Variants in HPSE2 observed in about 807,000 individuals in gnomAD.
HPSE2 encodes heparanase 2 (inactive).
In HPSE2, 38 loss-of-function variants were observed where a neutral mutation model predicts 60.5. The observed-to-expected ratio is 0.63, with a 90% confidence interval of 0.48 to 0.82. HPSE2 has a LOEUF of 0.82. HPSE2 is among the 40% of genes least tolerant of loss of function. The pLI, the probability that HPSE2 is intolerant of heterozygous loss-of-function variation, is 0.00. For synonymous variants in HPSE2, 295 were observed against 293.2 expected (o/e 1.01, Z -0.06); for missense variants, 713 against 740.4 (o/e 0.96, Z 0.43).
intron 9 of HPSE2, among the ~76,000 whole-genome samples, chr10:98,541,856 C>G (rs11597154): frequency 0.27 from 41,542 of 151,554 alleles, 5,892 homozygotes; most frequent in East Asian, 0.48. Flanking sequence ...TCAAGGAGGC[C>G]TGCCTGCCTC....
chr10:98,555,404 G>A (rs138872067), intron 9 of HPSE2, among the ~76,000 whole-genome samples: 416 of 152,240 alleles, frequency 2.7e-3, no homozygotes, highest in East Asian at 6.4e-3. Flanking sequence ...CTGCCTGCCC[G>A]GATCTCCCCT....
At chr10:99,128,137 C>T (rs995784996) in intron 3 of HPSE2, among the ~76,000 whole-genome samples, 4 of 152,048 alleles carry the variant, frequency 2.6e-5, no homozygotes, top group African/African-American at 9.7e-5. Context: ...AGAACAATAC[C>T]TCATATCTCA....
intron 9 of HPSE2, among the ~76,000 whole-genome samples, chr10:98,537,069 AAGAG>A (rs2133813962): frequency 6.6e-6 from 1 of 152,334 alleles, no homozygotes; most frequent in African/African-American, 2.4e-5. Context: ...AATGGATTGA[AAGAG>A]AGGCCAAAAT....
intron 3 of HPSE2, among the ~76,000 whole-genome samples, chr10:98,887,940 A>AAAATT (rs1564633934): frequency 6.2e-5 from 9 of 145,962 alleles, no homozygotes; most frequent in Non-Finnish European, 9.1e-5. Context: ...ATAATAAAAT[A>AAAATT]AAAAATTAAA....
chr10:99,154,627 G>A (rs1357808434), intron 2 of HPSE2, among the ~76,000 whole-genome samples: 8 of 151,672 alleles, frequency 5.3e-5, no homozygotes, highest in South Asian at 2.1e-4. Flanking sequence ...AGGAACAACC[G>A]GTACCAGCCG....
At chr10:98,703,049 A>G (rs937226389) in intron 5 of HPSE2, among the ~76,000 whole-genome samples, 1 of 152,030 alleles carries the variant, frequency 6.6e-6, no homozygotes, top group African/African-American at 2.4e-5. Flanking sequence ...CTAGACTAAT[A>G]AAGAAGAAAA....
intron 2 of HPSE2, among the ~76,000 whole-genome samples, chr10:99,206,983 C>T (rs1217583787): frequency 6.6e-6 from 1 of 151,920 alleles, no homozygotes; most frequent in Non-Finnish European, 1.5e-5. Flanking sequence ...GGAAAGAAAG[C>T]TTATTTTAAA....
At chr10:99,190,149 A>T (rs1848169460) in intron 2 of HPSE2, among the ~76,000 whole-genome samples, 1 of 152,196 alleles carries the variant, frequency 6.6e-6, no homozygotes, top group Admixed American at 6.5e-5. Flanking sequence ...CCTACTATGC[A>T]TTGGGCATTG....
chr10:98,699,180 C>G (rs537977982), intron 5 of HPSE2, among the ~76,000 whole-genome samples: 4 of 151,848 alleles, frequency 2.6e-5, no homozygotes, highest in Non-Finnish European at 5.9e-5. Flanking sequence ...CTGGCAGAGA[C>G]ACAACAAAAA....
intron 3 of HPSE2, among the ~76,000 whole-genome samples, chr10:99,082,577 C>G (rs1382490090): frequency 6.6e-6 from 1 of 152,098 alleles, no homozygotes; most frequent in Non-Finnish European, 1.5e-5. Flanking sequence ...CATTGTTAGA[C>G]CATATAAATG....
intron 3 of HPSE2, among the ~76,000 whole-genome samples, chr10:98,894,805 G>C (rs1304588955): frequency 6.6e-6 from 1 of 151,566 alleles, no homozygotes; most frequent in East Asian, 1.9e-4. Context: ...GAAAGATAAA[G>C]AAAAAGACAT....
intron 3 of HPSE2, among the ~76,000 whole-genome samples, chr10:98,872,261 C>G (rs888216347): frequency 3.9e-5 from 6 of 152,054 alleles, no homozygotes; most frequent in African/African-American, 1.2e-4. Flanking sequence ...ACATCCTGCT[C>G]TACTCTGTCT....
chr10:99,313,476 T>C, the HPSE2 span, among the ~76,000 whole-genome samples: 1 of 151,840 alleles, frequency 6.6e-6, no homozygotes, highest in Admixed American at 6.6e-5. Context: ...TTTCTTGAGA[T>C]GAAATCTACT....
chr10:98,628,033 C>T (rs547862286), intron 7 of HPSE2, among the ~76,000 whole-genome samples: 2 of 152,276 alleles, frequency 1.3e-5, no homozygotes, highest in East Asian at 3.9e-4. Context: ...CAGTGAGGAA[C>T]AACTTTGATA....
At chr10:99,054,126 C>T (rs928307304) in intron 3 of HPSE2, among the ~76,000 whole-genome samples, 3 of 151,936 alleles carry the variant, frequency 2.0e-5, no homozygotes, top group Admixed American at 6.6e-5. Context: ...CTGTAATCTA[C>T]GAGACAAGAC....
At chr10:98,588,959 G>T (rs556306263) in intron 9 of HPSE2, among the ~76,000 whole-genome samples, 99 of 152,264 alleles carry the variant, frequency 6.5e-4, no homozygotes, top group African/African-American at 2.2e-3. Context: ...CTGGAAAGTT[G>T]ATTTTTGTTG....
intron 2 of HPSE2, among the ~76,000 whole-genome samples, chr10:99,217,346 CT>C (rs1238501805): frequency 6.6e-6 from 1 of 151,718 alleles, no homozygotes; most frequent in Non-Finnish European, 1.5e-5. Context: ...CACATTAAAA[CT>C]TTAGGCATTT....
intron 3 of HPSE2, among the ~76,000 whole-genome samples, chr10:99,074,447 T>G (rs1013539732): frequency 5.9e-5 from 9 of 152,160 alleles, no homozygotes; most frequent in African/African-American, 1.9e-4. Flanking sequence ...TGCTCTTTCA[T>G]TCAGTTTGCT....
intron 10 of HPSE2, among the ~76,000 whole-genome samples, chr10:98,487,925 C>T (rs1941498700): frequency 6.6e-6 from 1 of 152,230 alleles, no homozygotes; most frequent in Non-Finnish European, 1.5e-5. Flanking sequence ...AGCCCTGCAA[C>T]CTCAGCCAGC....
Sources: allele counts gnomAD v4.1 joint callset (sites outside exome capture counted in the v4.1 genomes callset), GRCh38; gene constraint gnomAD v4.1.1; transcripts MANE v1.5; gene names NCBI Gene and HGNC (gene_info 2026-07-23, HGNC 2026-07-21).